The following DDAH1 variants were observed in gnomAD, a reference collection of about 807,000 sequenced individuals.
DDAH1 encodes dimethylarginine dimethylaminohydrolase 1.
Under a neutral mutation model 28.8 loss-of-function variants are expected in DDAH1, and 19 were observed. The observed-to-expected ratio is 0.66, with a 90% CI of 0.46 to 0.97. DDAH1 has a LOEUF of 0.97. Ranked by LOEUF, DDAH1 falls within the 50% of genes least tolerant of loss-of-function variation. The pLI is 0.00. For synonymous variants in DDAH1, 153 were observed against 154.4 expected, an observed-to-expected ratio of 0.99 and a Z score of 0.07; for missense variants, 326 against 375.9, an observed-to-expected ratio of 0.87 and a Z score of 1.10.
intron 1 of DDAH1, among the ~76,000 whole-genome samples, chr1:85,434,639 GC>G (rs1653848860): frequency 6.6e-6 from 1 of 151,982 alleles, no homozygotes; most frequent in South Asian, 2.1e-4. Context: ...TAATCCTCCT[GC>G]CTCAGCCTCC....
intron 1 of DDAH1, chr1:85,521,591 T>C (rs1657690972): frequency 2.0e-6 from 2 of 976,694 alleles, no homozygotes; most frequent in African/African-American, 3.5e-5. Flanking sequence ...CTACTAATAA[T>C]AAAACCCCAA....
At chr1:85,527,234 T>C (rs1388023969) in intron 1 of DDAH1, among the ~76,000 whole-genome samples, 2 of 152,162 alleles carry the variant, frequency 1.3e-5, no homozygotes, top group Non-Finnish European at 2.9e-5. Context: ...AAAAGCGAGT[T>C]TGATGGACTC....
intron 1 of DDAH1, among the ~76,000 whole-genome samples, chr1:85,524,073 CT>C (rs1176337344): frequency 3.3e-5 from 5 of 150,738 alleles, no homozygotes; most frequent in East Asian, 2.0e-4. Context: ...TTACCAAGTA[CT>C]TTTTTTTTCC....
chr1:85,365,061 C>T (rs1375162259), intron 1 of DDAH1, among the ~76,000 whole-genome samples: 2 of 152,310 alleles, frequency 1.3e-5, no homozygotes, highest in South Asian at 2.1e-4. Context: ...AGGCACTCTA[C>T]TATGAACTCA....
intron 1 of DDAH1, among the ~76,000 whole-genome samples, chr1:85,507,930 T>C (rs1182943057): frequency 6.6e-6 from 1 of 152,250 alleles, no homozygotes; most frequent in African/African-American, 2.4e-5. Context: ...TATTTGAGGT[T>C]AGGCCTGCCT....
At chr1:85,443,335 G>A (rs1256165413) in intron 1 of DDAH1, among the ~76,000 whole-genome samples, 1 of 152,186 alleles carries the variant, frequency 6.6e-6, no homozygotes, top group African/African-American at 2.4e-5. Flanking sequence ...TCAGATGGTT[G>A]TAGATGTGTG....
intron 1 of DDAH1, among the ~76,000 whole-genome samples, chr1:85,506,294 T>C (rs535523869): frequency 1.7e-4 from 26 of 152,040 alleles, no homozygotes; most frequent in Non-Finnish European, 2.9e-4. Context: ...GACAAAGAGG[T>C]CAGTGTGAAA....
chr1:85,556,750 G>T (rs1250101626), intron 1 of DDAH1, among the ~76,000 whole-genome samples: 1 of 152,218 alleles, frequency 6.6e-6, no homozygotes, highest in Admixed American at 6.5e-5. Flanking sequence ...ATGAGGGAAA[G>T]TCAGAGAGAT....
At chr1:85,462,509 C>T (rs1655172441) in intron 1 of DDAH1, among the ~76,000 whole-genome samples, 1 of 152,170 alleles carries the variant, frequency 6.6e-6, no homozygotes, top group Admixed American at 6.5e-5. Context: ...TGGATTTTCA[C>T]AGTTGGGAAT....
At chr1:85,434,346 ATTTC>A (rs1653835991) in intron 1 of DDAH1, among the ~76,000 whole-genome samples, 2 of 151,760 alleles carry the variant, frequency 1.3e-5, no homozygotes. Flanking sequence ...TGACTATGAC[ATTTC>A]TTTAATTTTT....
At chr1:85,492,269 T>C (rs1656432538) in intron 2 of DDAH1, among the ~76,000 whole-genome samples, 1 of 152,154 alleles carries the variant, frequency 6.6e-6, no homozygotes, top group African/African-American at 2.4e-5. Context: ...ATAGAAAATG[T>C]TCAGAAATCA....
At chr1:85,380,138 A>C (rs35092233) in intron 1 of DDAH1, among the ~76,000 whole-genome samples, 41,643 of 151,974 alleles carry the variant, frequency 0.27, 5,856 homozygotes, top group Middle Eastern at 0.31. Flanking sequence ...CAATTTTGTG[A>C]AGTTGGTATT....
intron 1 of DDAH1, among the ~76,000 whole-genome samples, chr1:85,514,297 C>A (rs1431451002): frequency 6.6e-6 from 1 of 152,156 alleles, no homozygotes. Context: ...GAAAACCAGA[C>A]ACTGCATGTT....
chr1:85,444,072 A>G (rs1277909929), intron 1 of DDAH1, among the ~76,000 whole-genome samples: 1 of 152,180 alleles, frequency 6.6e-6, no homozygotes, highest in Non-Finnish European at 1.5e-5. Context: ...GTAGTGAGAG[A>G]GAGCATCCCT....
At chr1:85,370,679 A>AGG (rs748390036) in intron 1 of DDAH1, among the ~76,000 whole-genome samples, 1 of 152,182 alleles carries the variant, frequency 6.6e-6, no homozygotes, top group Non-Finnish European at 1.5e-5. Flanking sequence ...TGTGTTCTGG[A>AGG]GGGTGGACGG....
chr1:85,464,728 C>A lies in DDAH1; in HGVS notation c.303+15G>T. 9 of 1,488,978 alleles carry A rather than the reference C, an allele frequency of 6.0e-6. No homozygotes were observed. The Admixed American group carries it at 1.6e-4, about 26-fold the overall frequency. 92.2% of individuals were successfully genotyped at this position (1,488,978 alleles called of 1,614,324 possible). ...TGGCGCGCGCCCCGGCCGCGCCCCT[C>A]GAGTCGGCAGTTACCTCCTTCCTCC... On this transcript the variant is annotated intron_variant, in intron 1 of 5. Transcript: ENST00000284031. This position sits in a 1 kb window ranked among gnomAD's most constrained non-coding sequence, Gnocchi z 4.4.
intron 4 of DDAH1, among the ~76,000 whole-genome samples, chr1:85,350,193 G>A (rs757051510): frequency 7.2e-5 from 11 of 152,042 alleles, no homozygotes; most frequent in Non-Finnish European, 1.5e-4. Flanking sequence ...GAAATCTGGT[G>A]TGTAACTAAA....
rs527287271 is a variant in DDAH1, at chr1:85,497,991, C to T, written c.-122-1710G>A. ...ACCAGCATCTCTCTGGGTGAACTAA[C>T]CCCCTAGTGTCTTAAAACTTGCCTT... is the stretch of plus-strand genomic sequence containing the variant. On this transcript the variant is annotated intron_variant, in intron 1 of 6. Transcript: ENST00000426972. Among the ~76,000 whole-genome samples the T allele has an allele frequency of 4.6e-5, 7 of 152,298 alleles. No homozygotes were observed. In the South Asian group the frequency reaches 1.5e-3, roughly 32 times the overall value.
chr1:85,575,867 TG>T (rs1386303674), intron 1 of DDAH1: 1 of 151,948 alleles, frequency 6.6e-6, no homozygotes, highest in Admixed American at 6.6e-5. Context: ...AGATAGAAAA[TG>T]GTGTTACTCA....
Sources: allele counts gnomAD v4.1 joint callset (sites outside exome capture counted in the v4.1 genomes callset), GRCh38; gene constraint gnomAD v4.1.1; non-coding constraint Gnocchi (gnomAD v3.1); transcripts MANE v1.5; gene names NCBI Gene and HGNC (gene_info 2026-07-23, HGNC 2026-07-21).